OLFM3: variants seen among roughly 807,000 people sequenced by gnomAD.
OLFM3 encodes noelin-3.
OLFM3 carries 20 observed loss-of-function variants against 48.6 expected under a neutral mutation model. The ratio of observed to expected loss-of-function variants is 0.41; its 90% CI spans 0.29 to 0.60. The LOEUF (loss-of-function observed/expected upper bound fraction) is 0.60, where lower values mean the gene tolerates loss of function less well. Ranked by LOEUF, OLFM3 falls within the 20% of genes least tolerant of loss-of-function variation. The probability of loss-of-function intolerance (pLI) is 0.28; values close to 1 mark genes in which losing one functional copy is unlikely to be tolerated. For synonymous variants in OLFM3, 222 were observed against 198.1 expected, an observed-to-expected ratio of 1.12 and a Z score of -1.01; for missense variants, 437 against 544.3, an observed-to-expected ratio of 0.80 and a Z score of 1.96.
At chr1:101,866,632 T>A (rs1391070557) in intron 1 of OLFM3, among the ~76,000 whole-genome samples, 1 of 152,148 alleles carries the variant, frequency 6.6e-6, no homozygotes, top group Non-Finnish European at 1.5e-5. Flanking sequence ...GTACTTAATA[T>A]AAACACGATA....
intron 1 of OLFM3, among the ~76,000 whole-genome samples, chr1:101,930,635 G>A (rs896320307): frequency 1.3e-5 from 2 of 152,198 alleles, no homozygotes; most frequent in African/African-American, 4.8e-5. Context: ...GCAAAAGTAT[G>A]GTAGGTGCTA....
chr1:101,910,009 ATTAAGG>A, intron 1 of OLFM3: 1 of 985,382 alleles, frequency 1.0e-6, no homozygotes, highest in Non-Finnish European at 1.2e-6. Context: ...GCTTTATAAT[ATTAAGG>A]TTATTTTTCC....
chr1:101,995,737 T>C (rs1055524233), intron 1 of OLFM3, among the ~76,000 whole-genome samples: 21 of 152,250 alleles, frequency 1.4e-4, no homozygotes, highest in Non-Finnish European at 2.8e-4. Flanking sequence ...AAAATAACTT[T>C]ATAATATTCC....
intron 1 of OLFM3, among the ~76,000 whole-genome samples, chr1:101,870,497 C>T (rs1657036406): frequency 6.6e-6 from 1 of 152,158 alleles, no homozygotes; most frequent in Non-Finnish European, 1.5e-5. Context: ...CCTAACTTTT[C>T]ATAACACCTT....
chr1:101,898,972 G>GA (rs1343545448), intron 1 of OLFM3, among the ~76,000 whole-genome samples: 1 of 152,060 alleles, frequency 6.6e-6, no homozygotes, highest in African/African-American at 2.4e-5. Context: ...GCAGTACACA[G>GA]AAAAAAAGCA....
chr1:101,828,815 C>G (rs1220536084), intron 3 of OLFM3, among the ~76,000 whole-genome samples: 2 of 152,276 alleles, frequency 1.3e-5, no homozygotes, highest in African/African-American at 2.4e-5. Context: ...AAGGTGCCAG[C>G]TTACTATTTT....
chr1:101,827,265 G>A (rs1344175612), intron 3 of OLFM3, among the ~76,000 whole-genome samples: 1 of 152,056 alleles, frequency 6.6e-6, no homozygotes, highest in Admixed American at 6.5e-5. Context: ...AAGTGTAGAA[G>A]ACAAAACCTA....
intron 1 of OLFM3, among the ~76,000 whole-genome samples, chr1:101,930,261 T>C (rs1384507287): frequency 6.6e-6 from 1 of 152,102 alleles, no homozygotes; most frequent in East Asian, 1.9e-4. Context: ...TAATCTACAG[T>C]TTAGTTATTA....
At chr1:101,915,577 G>T (rs1451129250) in intron 1 of OLFM3, among the ~76,000 whole-genome samples, 1 of 151,992 alleles carries the variant, frequency 6.6e-6, no homozygotes, top group Non-Finnish European at 1.5e-5. Flanking sequence ...TCTCTTAGTA[G>T]AAATAGTTCA....
At chr1:101,974,728 G>A (rs11164356) in intron 1 of OLFM3, among the ~76,000 whole-genome samples, 31,534 of 151,942 alleles carry the variant, frequency 0.21, 4,052 homozygotes, top group Middle Eastern at 0.33. Context: ...GCTTGTGGCA[G>A]ACAGCTTGCA....
At chr1:101,874,060 G>A (rs546395516) in intron 1 of OLFM3, among the ~76,000 whole-genome samples, 2 of 151,872 alleles carry the variant, frequency 1.3e-5, no homozygotes, top group Non-Finnish European at 2.9e-5. Context: ...ACTGGCCTAA[G>A]AGCAGGAATA....
Position 101,825,094 on chromosome 1 carries a change from T to C in OLFM3, c.524A>G (p.Asp175Gly). 8 of 1,614,136 alleles carry C rather than the reference T, an allele frequency of 5.0e-6. No individual in the cohort carries two copies. Among genetic ancestry groups the C allele is most frequent in the Non-Finnish European group, 6.8e-6 (8 of 1,179,974 alleles). Residue 175 changes from aspartate (D) to glycine (G), a missense_variant, in exon 4 of 6, where the codon GAC becomes GGC. Physicochemically the swap from Asp to Gly is moderately conservative, Grantham distance 94. Coordinates refer to ENST00000370103, the MANE Select transcript of OLFM3 (RefSeq NM_058170.4). ...TGIQEEIGAY[D>G]YEELHQRVLS... ...CACTCTTTGGTGTAGTTCCTCGTAG[T>C]CATAGGCACCAATTTCCTCCTGAAT... is the stretch of plus-strand genomic sequence containing the variant.
intron 1 of OLFM3, among the ~76,000 whole-genome samples, chr1:101,945,126 A>G (rs994671693): frequency 2.0e-5 from 3 of 152,210 alleles, no homozygotes; most frequent in Admixed American, 1.3e-4. Flanking sequence ...AAATAAATAT[A>G]CATATACCAT....
intron 1 of OLFM3, among the ~76,000 whole-genome samples, chr1:101,975,685 A>G (rs938887726): frequency 2.7e-4 from 41 of 152,282 alleles, no homozygotes; most frequent in African/African-American, 8.4e-4. Flanking sequence ...CAAGGAGTAC[A>G]ATGATTTCGG....
intron 1 of OLFM3, among the ~76,000 whole-genome samples, chr1:101,907,880 T>A (rs200765916): frequency 0.11 from 16,308 of 152,142 alleles, 1,476 homozygotes; most frequent in East Asian, 0.36. Context: ...AACGTATAAT[T>A]TTTTCCAGTT....
intron 4 of OLFM3, among the ~76,000 whole-genome samples, chr1:101,808,348 A>T (rs1328173667): frequency 7.3e-6 from 1 of 136,502 alleles, no homozygotes; most frequent in Non-Finnish European, 1.6e-5. Context: ...GGCAGGGTTG[A>T]TGAAAAGTGG....
intron 1 of OLFM3, among the ~76,000 whole-genome samples, chr1:101,996,297 G>C (rs562422341): frequency 7.2e-5 from 11 of 152,166 alleles, no homozygotes; most frequent in Admixed American, 7.2e-4. Context: ...ACCGCAGCAC[G>C]TCTGCGATGG....
chr1:101,912,542 A>G (rs1337831312), intron 1 of OLFM3, among the ~76,000 whole-genome samples: 4 of 152,354 alleles, frequency 2.6e-5, no homozygotes, highest in African/African-American at 9.6e-5. Context: ...TTTTTAATGA[A>G]GAACATGAGG....
intron 1 of OLFM3, among the ~76,000 whole-genome samples, chr1:101,921,200 TACACAC>T (rs142071103): frequency 2.3e-3 from 340 of 148,158 alleles, no homozygotes; most frequent in African/African-American, 6.2e-3. Context: ...TTTAAGTTTA[TACACAC>T]ACACACACAC....
Sources: gnomAD v4.1 joint callset for allele counts (sites outside exome capture counted in the v4.1 genomes callset) on GRCh38, gnomAD v4.1.1 for gene constraint, MANE v1.5 for transcripts, NCBI Gene and HGNC (gene_info 2026-07-23, HGNC 2026-07-21) for gene names.